SH2D7: variants seen among roughly 807,000 people sequenced by gnomAD.
SH2D7 encodes the protein SH2 domain containing 7, also known as SH2 domain-containing protein 7.
A neutral mutation model predicts 40.8 loss-of-function variants in SH2D7; 32 were observed. That is an observed-to-expected ratio of 0.78 (90% CI 0.59 to 1.05). SH2D7 has a LOEUF of 1.05. Ranked by LOEUF, SH2D7 falls within the 50% of genes least tolerant of loss-of-function variation. The pLI is 0.00. For missense variants in SH2D7, 559 were observed against 566.6 expected, an observed-to-expected ratio of 0.99 and a Z score of 0.14; for synonymous variants, 195 against 221.5, an observed-to-expected ratio of 0.88 and a Z score of 1.06.
intron 2 of SH2D7, among the ~76,000 whole-genome samples, chr15:78,095,905 C>T (rs543148519): frequency 7.9e-5 from 12 of 152,236 alleles, no homozygotes; most frequent in South Asian, 2.1e-4. Context: ...TGCAGTGGCG[C>T]GATCTCTGCT....
chr15:78,102,679 G>A (rs571649398), intron 5 of SH2D7, among the ~76,000 whole-genome samples: 1 of 152,222 alleles, frequency 6.6e-6, no homozygotes, highest in East Asian at 1.9e-4. Flanking sequence ...CTCAGTTTCT[G>A]CAGGGGTCTG....
At chr15:78,096,995 T>C (rs948598367) in intron 2 of SH2D7, among the ~76,000 whole-genome samples, 4 of 152,170 alleles carry the variant, frequency 2.6e-5, no homozygotes, top group Non-Finnish European at 4.4e-5. Flanking sequence ...TAAATGTCTA[T>C]CATCAGAATA....
At chr15:78,099,869 C>A (rs2074001014) in intron 4 of SH2D7, among the ~76,000 whole-genome samples, 1 of 152,128 alleles carries the variant, frequency 6.6e-6, no homozygotes, top group East Asian at 1.9e-4. Flanking sequence ...CATCTGCCTG[C>A]AATGCTCTTC....
chr15:78,100,289 G>A (rs1169967613), intron 4 of SH2D7, among the ~76,000 whole-genome samples: 1 of 152,224 alleles, frequency 6.6e-6, no homozygotes, highest in African/African-American at 2.4e-5. Context: ...ATGCAGCAGT[G>A]AGTGGGTTTG....
chr15:78,101,462 C>T lies in SH2D7; in HGVS notation c.1209C>T (p.Tyr403=). 2 of 1,613,326 alleles carry T rather than the reference C, an allele frequency of 1.2e-6. No homozygotes were observed. Among genetic ancestry groups the T allele is most frequent in the African/African-American group, 1.3e-5 (1 of 75,034 alleles). ...SPTYSPWVHG[Y]KRISGTPELS... Reference sequence around the variant, plus strand: ...CATATAGCCCATGGGTCCATGGCTACAAGAGGATCTCAGGGACCCCAGAGC... The same window carrying T: ...CATATAGCCCATGGGTCCATGGCTATAAGAGGATCTCAGGGACCCCAGAGC... The change falls in exon 5 of 6, where the codon TAC becomes TAT. Residue 403 remains tyrosine (Y), a synonymous_variant. Transcript: ENST00000328828.
chr15:78,102,796 C>T (rs1296783235), intron 5 of SH2D7, among the ~76,000 whole-genome samples: 2 of 152,036 alleles, frequency 1.3e-5, no homozygotes, highest in African/African-American at 4.8e-5. Flanking sequence ...CCCTCGGTCC[C>T]AACTACACTC....
At chr15:78,097,808 G>A (rs1302487063) in intron 2 of SH2D7, 121 bp from the exon 3 acceptor site, 2 of 1,273,264 alleles carry the variant, frequency 1.6e-6, no homozygotes, top group African/African-American at 1.5e-5. Flanking sequence ...AGGTCAGGCA[G>A]GTCTGTTCTG....
intron 2 of SH2D7, among the ~76,000 whole-genome samples, chr15:78,095,908 T>C (rs2073969039): frequency 6.6e-6 from 1 of 152,208 alleles, no homozygotes; most frequent in African/African-American, 2.4e-5. Flanking sequence ...AGTGGCGCGA[T>C]CTCTGCTCAC....
intron 5 of SH2D7, among the ~76,000 whole-genome samples, chr15:78,103,204 G>A (rs373859510): frequency 5.3e-5 from 8 of 152,296 alleles, no homozygotes; most frequent in African/African-American, 1.9e-4. Flanking sequence ...GGTAAGGTGA[G>A]GCTCGCCACC....
chr15:78,098,099 G>A lies in SH2D7; in HGVS notation c.432+5G>A. The A allele has an allele frequency of 6.2e-7, 1 of 1,603,120 alleles. No homozygotes were observed. The highest frequency in any genetic ancestry group is 2.2e-5 in the East Asian group (1 of 44,590). ...CTGACTGCTGCCTGCCCCCGGGTAG[G>A]CGCCCCACTTCCCCAGGGTGAGGGT... is the stretch of plus-strand genomic sequence containing the variant. On this transcript the variant is annotated splice_donor_5th_base_variant and intron_variant, in intron 3 of 5. Transcript: ENST00000328828.
At position 78,103,662 on chromosome 15, in the gene SH2D7, G is replaced by A. The variant is rs78152341; in HGVS notation, c.*147G>A. The A allele has an allele frequency of 7.0e-3, 6,879 of 986,266 alleles. 278 individuals are homozygous for A. In the African/African-American group the frequency reaches 0.094, roughly 13 times the overall value. The allele number at this position is 986,266 out of a possible 1,614,324, so 61.1% of individuals were successfully genotyped here. A position where few individuals can be genotyped will look rare whatever the true frequency, so the allele number is the denominator to read the frequency against. On this transcript the variant is annotated 3_prime_UTR_variant, in exon 6 of 6. Transcript: ENST00000328828. ...TACAGAACTAGGCTCCGAGACAGCCGAGGTGCCTGCCTGAGAGCAGGTGGA... is the reference window on the plus strand; with the variant it reads ...TACAGAACTAGGCTCCGAGACAGCCAAGGTGCCTGCCTGAGAGCAGGTGGA...
Position 78,101,317 on chromosome 15 carries a change from G to T in SH2D7, c.1064G>T (p.Gly355Val), listed in dbSNP as rs1238777480. Residue 355 changes from glycine to valine, a missense_variant, in exon 5 of 6, where the codon GGG (glycine) becomes GTG (valine). Transcript: ENST00000328828. ...TCTGCAGATATCTATGAGTTCATCGGGACAGAAGGCCTCCTGCAAGAGGCC... is the reference window on the plus strand; with the variant it reads ...TCTGCAGATATCTATGAGTTCATCGTGACAGAAGGCCTCCTGCAAGAGGCC... ...GSSADIYEFI[G>V]TEGLLQEARD... is the part of the protein sequence containing the mutation. 6.2e-7 allele frequency: 1 copy of T among 1,612,992 alleles called. No homozygotes were observed. Among genetic ancestry groups the T allele is most frequent in the East Asian group, 2.2e-5 (1 of 44,864 alleles).
At chr15:78,090,552 A>G (rs2073934089), upstream of SH2D7, among the ~76,000 whole-genome samples, 1 of 152,140 alleles carries the variant, frequency 6.6e-6, no homozygotes, top group Admixed American at 6.5e-5. Context: ...ACCCATGATG[A>G]TGTTGTAATA....
intron 1 of SH2D7, 47 bp downstream of exon 1, chr15:78,092,807 G>A (rs755613064): frequency 1.9e-6 from 3 of 1,543,206 alleles, no homozygotes; most frequent in Non-Finnish European, 2.6e-6. Flanking sequence ...ACAGCCCCTT[G>A]GGGCTGAGAA....
intron 1 of SH2D7, among the ~76,000 whole-genome samples, chr15:78,093,377 T>C (rs1322182345): frequency 6.6e-6 from 1 of 152,254 alleles, no homozygotes; most frequent in Non-Finnish European, 1.5e-5. Context: ...TGTCACTGTC[T>C]GGAAACTCTA....
In SH2D7 at chr15:78,103,949, C is replaced by G. The variant is rs115746073; in HGVS notation, c.*434C>G. Reference sequence around the variant, plus strand: ...CCAAGTGACATCATGCAATTGCTACCGAGAACAAAACCAGTTCCCCTCCTT... The same window carrying G: ...CCAAGTGACATCATGCAATTGCTACGGAGAACAAAACCAGTTCCCCTCCTT... On this transcript the variant is annotated 3_prime_UTR_variant, in exon 6 of 6. Coordinates refer to ENST00000328828, the MANE Select transcript of SH2D7 (RefSeq NM_001101404.2). The G allele has an allele frequency of 1.3e-5, 2 of 155,716 alleles. No individual in the cohort carries two copies. Among genetic ancestry groups the G allele is most frequent in the African/African-American group, 4.8e-5 (2 of 41,546 alleles). The allele number at this position is 155,716 out of a possible 1,614,324, so 9.6% of individuals were successfully genotyped here. A position where few individuals can be genotyped will look rare whatever the true frequency, so the allele number is the denominator to read the frequency against.
chr15:78,092,890 G>A (rs2073948429), intron 1 of SH2D7, 130 bp downstream of exon 1: 1 of 1,222,664 alleles, frequency 8.2e-7, no homozygotes, highest in Non-Finnish European at 1.1e-6. Flanking sequence ...TTGGAGGCGG[G>A]GGGCAGGGGA....
chr15:78,092,897 G>A (rs1016960682), intron 1 of SH2D7, 137 bp downstream of exon 1: 2 of 1,171,534 alleles, frequency 1.7e-6, no homozygotes, highest in African/African-American at 3.1e-5. Context: ...CGGGGGGCAG[G>A]GGAACAGACT....
Position 78,101,453 on chromosome 15 carries a change from C to A in SH2D7, c.1200C>A (p.Val400=). 2 of 1,613,276 alleles carry A rather than the reference C, an allele frequency of 1.2e-6. No homozygotes were observed. Among genetic ancestry groups the A allele is most frequent in the Non-Finnish European group, 1.7e-6 (2 of 1,179,604 alleles). The change falls in exon 5 of 6, where the codon GTC becomes GTA. Residue 400 remains valine (V), a synonymous_variant. Coordinates refer to ENST00000328828, the MANE Select transcript of SH2D7 (RefSeq NM_001101404.2). ...CCAGTCCCACATATAGCCCATGGGT[C>A]CATGGCTACAAGAGGATCTCAGGGA... The part of the protein sequence containing the change: ...PGASPTYSPW[V]HGYKRISGTP...
Sources: allele counts gnomAD v4.1 joint callset (sites outside exome capture counted in the v4.1 genomes callset), GRCh38; gene constraint gnomAD v4.1.1; transcripts MANE v1.5; gene names NCBI Gene and HGNC (gene_info 2026-07-23, HGNC 2026-07-21).